FAM47E: variants seen among roughly 807,000 people sequenced by gnomAD.
The protein encoded by FAM47E is family with sequence similarity 47 member E.
A neutral mutation model predicts 41.6 loss-of-function variants in FAM47E; 32 were observed. The ratio of observed to expected loss-of-function variants is 0.77; its 90% CI spans 0.58 to 1.03. The LOEUF (loss-of-function observed/expected upper bound fraction) is 1.03, where lower values mean the gene tolerates loss of function less well. Among genes scored for constraint, FAM47E ranks in the 50% least tolerant of loss-of-function variants. The pLI is 0.00. For synonymous variants in FAM47E, 184 were observed against 188.7 expected, an observed-to-expected ratio of 0.98 and a Z score of 0.20; for missense variants, 424 against 485.4, an observed-to-expected ratio of 0.87 and a Z score of 1.19.
intron 5 of FAM47E, among the ~76,000 whole-genome samples, chr4:76,276,029 GACAGACAGACACAC>G (rs1201483561): frequency 1.5e-3 from 175 of 118,788 alleles, no homozygotes; most frequent in African/African-American, 2.0e-3. Flanking sequence ...CAGACAGACA[GACAGACAGACACAC>G]ACACACACAC....
chr4:76,245,522 T>A (rs549676848), intron 2 of FAM47E, among the ~76,000 whole-genome samples: 1 of 152,206 alleles, frequency 6.6e-6, no homozygotes, highest in East Asian at 1.9e-4. Flanking sequence ...GTTCCCTTCC[T>A]CCATCCCCAA....
intron 5 of FAM47E, among the ~76,000 whole-genome samples, chr4:76,277,343 G>A (rs898348205): frequency 2.0e-5 from 3 of 151,920 alleles, no homozygotes; most frequent in Admixed American, 6.6e-5. Context: ...AAAATTAGCC[G>A]GGCATGGTGG....
At chr4:76,244,029 G>T (rs190675239) in intron 2 of FAM47E, among the ~76,000 whole-genome samples, 2 of 152,308 alleles carry the variant, frequency 1.3e-5, no homozygotes, top group African/African-American at 4.8e-5. Context: ...TGCTGAGAAT[G>T]ATAGTTTCCA....
chr4:76,257,652 G>A (rs541705830), intron 2 of FAM47E, among the ~76,000 whole-genome samples: 30 of 152,182 alleles, frequency 2.0e-4, no homozygotes, highest in South Asian at 6.2e-4. Flanking sequence ...CTCTGTTCTG[G>A]TGCCTGAACA....
intron 2 of FAM47E, among the ~76,000 whole-genome samples, chr4:76,259,506 A>G (rs1734319440): frequency 6.6e-6 from 1 of 152,198 alleles, no homozygotes; most frequent in South Asian, 2.1e-4. Context: ...TCTAAAACTT[A>G]TCTACTTCTT....
chr4:76,280,408 G>C (rs1037063703), intron 7 of FAM47E, 67 bp downstream of exon 7: 4 of 955,302 alleles, frequency 4.2e-6, no homozygotes, highest in African/African-American at 1.7e-5. Context: ...TTGACGGGAA[G>C]AGGTTATGAC....
At chr4:76,280,596 A>C in intron 7 of FAM47E, 1 of 346,846 alleles carries the variant, frequency 2.9e-6, no homozygotes, top group East Asian at 5.0e-5. Context: ...TCTTTGACTC[A>C]TCTTCCTTGG....
chr4:76,262,949 A>G (rs1242181781), intron 2 of FAM47E, among the ~76,000 whole-genome samples: 1 of 151,938 alleles, frequency 6.6e-6, no homozygotes, highest in Admixed American at 6.5e-5. Flanking sequence ...TTTTTTAAAT[A>G]GAAACAGAGG....
At chr4:76,278,501 G>A (rs904547050) in intron 6 of FAM47E, 3 of 407,458 alleles carry the variant, frequency 7.4e-6, no homozygotes, top group Middle Eastern at 6.2e-4. Context: ...TTTATTCCAA[G>A]GATAATTGTT....
intron 2 of FAM47E, among the ~76,000 whole-genome samples, chr4:76,262,801 C>T (rs1383519812): frequency 6.6e-6 from 1 of 152,100 alleles, no homozygotes; most frequent in East Asian, 1.9e-4. Flanking sequence ...CTCATTCTGT[C>T]ACCTAAGCTG....
In FAM47E at chr4:76,256,232, G is replaced by A. The variant is rs1734184936; in HGVS notation, c.129G>A (p.Arg43=). ...GLKFPTSLHS[R]QLVFPRKGLD... ...AGTTCCCCACCTCTCTGCACAGCCG[G>A]CAGTTGGTATTTCCAAGAAAGGGGC... Residue 43 remains arginine, a synonymous_variant, in exon 2 of 8, where the codon CGG becomes CGA. Coordinates refer to ENST00000424749, the MANE Select transcript of FAM47E (RefSeq NM_001136570.3). The A allele has an allele frequency of 6.4e-7, 1 of 1,551,590 alleles. No homozygotes were observed. The highest frequency in any genetic ancestry group is 2.0e-5 in the Admixed American group (1 of 50,982).
At chr4:76,245,599 G>T (rs1733809060) in intron 2 of FAM47E, among the ~76,000 whole-genome samples, 1 of 152,172 alleles carries the variant, frequency 6.6e-6, no homozygotes, top group Non-Finnish European at 1.5e-5. Flanking sequence ...CCAGGGCAGA[G>T]CAGGCAGGGG....
At position 76,246,003 on chromosome 4, in the gene FAM47E, C is replaced by T. The variant is rs568469495; in HGVS notation, c.82-17701C>T. On this transcript the variant is annotated intron_variant, in intron 2 of 7. Transcript: ENST00000510197. ...GACTATTGGTGTCATGCCTTTACCC[C>T]CATTGTTATTTGGTTTGCAGGTGTA... Among the ~76,000 whole-genome samples, 22 of 152,248 alleles carry T rather than the reference C, an allele frequency of 1.4e-4. 1 individual carries two copies. In the South Asian group the frequency reaches 4.6e-3, roughly 32 times the overall value.
chr4:76,220,728 T>C (rs540672253), intron 2 of FAM47E, among the ~76,000 whole-genome samples: 2 of 152,348 alleles, frequency 1.3e-5, no homozygotes, highest in Admixed American at 6.5e-5. Flanking sequence ...TCTTAGAATA[T>C]GATCTTTTTA....
At chr4:76,231,201 A>ATGCT (rs1159758814) in intron 2 of FAM47E, among the ~76,000 whole-genome samples, 3 of 152,196 alleles carry the variant, frequency 2.0e-5, no homozygotes, top group Admixed American at 1.3e-4. Flanking sequence ...TGGGTGCATG[A>ATGCT]TGCTTGGCTT....
At chr4:76,219,150 C>CA (rs1733265498) in intron 2 of FAM47E, among the ~76,000 whole-genome samples, 1 of 151,908 alleles carries the variant, frequency 6.6e-6, no homozygotes, top group South Asian at 2.1e-4. Context: ...GTGAAAATTG[C>CA]AAAAAATAAA....
intron 2 of FAM47E, among the ~76,000 whole-genome samples, chr4:76,219,127 T>C (rs1733265200): frequency 6.6e-6 from 1 of 151,770 alleles, no homozygotes; most frequent in African/African-American, 2.4e-5. Flanking sequence ...TTATTAAGAG[T>C]AAAAGGAAAG....
At chr4:76,227,597 T>C (rs1458002586) in intron 2 of FAM47E, among the ~76,000 whole-genome samples, 1 of 152,246 alleles carries the variant, frequency 6.6e-6, no homozygotes, top group East Asian at 1.9e-4. Flanking sequence ...TCTGTCTTGA[T>C]GATCTGTCTA....
At chr4:76,214,099 C>A in exon 1 of FAM47E, 1 of 374,778 alleles carries the variant, frequency 2.7e-6, no homozygotes, top group South Asian at 1.9e-5. Flanking sequence ...CTGGTTCACA[C>A]ACTCATTTAC....
Sources: allele counts gnomAD v4.1 joint callset (sites outside exome capture counted in the v4.1 genomes callset), GRCh38; gene constraint gnomAD v4.1.1; transcripts MANE v1.5; gene names NCBI Gene and HGNC (gene_info 2026-07-23, HGNC 2026-07-21).